The following GON4L variants were observed in gnomAD, a reference collection of about 807,000 sequenced individuals.
GON4L encodes GON-4-like protein.
Under a neutral mutation model 211.8 loss-of-function variants are expected in GON4L, and 87 were observed. The ratio of observed to expected loss-of-function variants is 0.41; its 90% CI spans 0.35 to 0.49. The LOEUF (loss-of-function observed/expected upper bound fraction) is 0.49. GON4L is among the 20% of genes least tolerant of loss of function. The pLI is 0.15. For missense variants in GON4L, 2,155 were observed against 2,659.5 expected, an observed-to-expected ratio of 0.81 and a Z score of 4.17; for synonymous variants, 875 against 962.6, an observed-to-expected ratio of 0.91 and a Z score of 1.68.
Position 155,788,612 on chromosome 1 carries a change from A to G in GON4L, c.1748-3238T>C, listed in dbSNP as rs2101937561. 2.0e-5 allele frequency among the ~76,000 whole-genome samples: 3 copies of G among 152,304 alleles called. No homozygotes were observed. In the Middle Eastern group the frequency reaches 0.01, roughly 518 times the overall value. On this transcript the variant is annotated intron_variant, in intron 12 of 31. Coordinates refer to ENST00000368331, the MANE Select transcript of GON4L (RefSeq NM_001282860.2). Reference sequence around the variant, plus strand: ...GCCCAGGTGATCAACACAAAAATAGATAATCTGTAGTATATATACACAACG... The same window carrying G: ...GCCCAGGTGATCAACACAAAAATAGGTAATCTGTAGTATATATACACAACG...
At chr1:155,794,223 T>G (rs1665873369) in intron 12 of GON4L, among the ~76,000 whole-genome samples, 1 of 152,066 alleles carries the variant, frequency 6.6e-6, no homozygotes, top group Non-Finnish European at 1.5e-5. Flanking sequence ...AGGTGCCTAC[T>G]ACCACGCCTG....
intron 10 of GON4L, among the ~76,000 whole-genome samples, chr1:155,807,718 A>AAAAAAG (rs1244197658): frequency 6.7e-6 from 1 of 150,230 alleles, no homozygotes; most frequent in African/African-American, 2.4e-5. Flanking sequence ...AAAAAAAAAA[A>AAAAAAG]AAAAAAAGAA....
At position 155,804,966 on chromosome 1, in the gene GON4L, T is replaced by C. The variant is rs920181636; in HGVS notation, c.1628A>G (p.Asp543Gly). ...WKMWLGGLMN[D>G]DVGNEDEADD... Reference sequence around the variant, plus strand: ...AAACTTACCTTCATTCCCCACATCATCATTCATAAGTCCCCCCAGCCACAT... The same window carrying C: ...AAACTTACCTTCATTCCCCACATCACCATTCATAAGTCCCCCCAGCCACAT... Residue 543 changes from aspartate (D) to glycine (G), a missense_variant, in exon 11 of 32, where the codon GAT becomes GGT. Physicochemically the swap from Asp to Gly is moderately conservative, Grantham distance 94. Transcript: ENST00000368331. 5.6e-6 allele frequency: 9 copies of C among 1,613,526 alleles called. No individual in the cohort carries two copies. Among genetic ancestry groups the C allele is most frequent in the Non-Finnish European group, 7.6e-6 (9 of 1,179,512 alleles).
chr1:155,797,919 G>A (rs913075046), intron 11 of GON4L, among the ~76,000 whole-genome samples: 3 of 149,824 alleles, frequency 2.0e-5, no homozygotes, highest in African/African-American at 4.9e-5. Context: ...CTCTACAAAT[G>A]ACTTTTTAAA....
chr1:155,828,676 C>T (rs1200914338), intron 2 of GON4L, among the ~76,000 whole-genome samples: 1 of 151,706 alleles, frequency 6.6e-6, no homozygotes, highest in Admixed American at 6.6e-5. Flanking sequence ...GGCATGGTGG[C>T]GGGCACCTGT....
rs1663984820 is a variant in GON4L, at chr1:155,777,825, T to C, written c.1893-5A>G. ...TTGGCCAGTGGTTCCTCAAACCTAT[T>C]CCCAACAGGGAGATGACTGAATTTG... is the stretch of plus-strand genomic sequence containing the variant. On this transcript the variant is annotated splice_region_variant and splice_polypyrimidine_tract_variant and intron_variant, in intron 14 of 31. Transcript: ENST00000368331. 1.9e-6 allele frequency: 3 copies of C among 1,587,426 alleles called. No individual in the cohort carries two copies. The highest frequency in any genetic ancestry group is 2.7e-5 in the African/African-American group (2 of 74,444).
downstream of GON4L, chr1:155,748,268 C>G (rs1346184324): frequency 1.6e-6 from 2 of 1,228,298 alleles, no homozygotes; most frequent in African/African-American, 3.0e-5. Context: ...ATCACACTGT[C>G]CTATGCTTGT....
intron 2 of GON4L, among the ~76,000 whole-genome samples, chr1:155,829,955 GT>G (rs1340667477): frequency 2.8e-4 from 40 of 144,408 alleles, no homozygotes; most frequent in Middle Eastern, 3.6e-3. Flanking sequence ...CAGTTTTTTT[GT>G]TTTTTTTTTT....
intron 3 of GON4L, among the ~76,000 whole-genome samples, chr1:155,826,522 C>T (rs556172753): frequency 1.1e-4 from 17 of 150,526 alleles, no homozygotes; most frequent in Middle Eastern, 6.9e-3. Flanking sequence ...GCCGAGATCA[C>T]GCCCCTGTAC....
chr1:155,745,238 AAGAC>A (rs1571592143), downstream of GON4L, among the ~76,000 whole-genome samples: 3 of 152,240 alleles, frequency 2.0e-5, no homozygotes, highest in East Asian at 3.9e-4. Flanking sequence ...TATTGAGCAA[AAGAC>A]AGACGCCAAT....
rs755268113 is a variant in GON4L, at chr1:155,765,580, C to T, written c.3893G>A (p.Gly1298Glu). 4.3e-6 allele frequency: 7 copies of T among 1,614,032 alleles called. No individual in the cohort carries two copies. Among genetic ancestry groups the T allele is most frequent in the East Asian group, 2.2e-5 (1 of 44,890 alleles). The change falls in exon 21 of 32, where the codon GGG becomes GAG. Residue 1298 changes from glycine to glutamate, a missense_variant. By Grantham distance (98) the Gly-to-Glu change is moderately conservative. Transcript: ENST00000368331. ...AGGGAGCGGCTCCAGAGCTTGCCTCCCCTCCTCTGTTTTCACAACGGTCCA... is the reference window on the plus strand; with the variant it reads ...AGGGAGCGGCTCCAGAGCTTGCCTCTCCTCCTCTGTTTTCACAACGGTCCA... ...CRWTVVKTEE[G>E]RQALEPLPQG...
At chr1:155,759,490 C>G (rs1249656598) in intron 24 of GON4L, among the ~76,000 whole-genome samples, 3 of 152,056 alleles carry the variant, frequency 2.0e-5, no homozygotes, top group African/African-American at 7.2e-5. Context: ...AGGAAAATCG[C>G]TTGAACCCAG....
At chr1:155,748,031 C>G, downstream of GON4L, 1 of 1,608,378 alleles carries the variant, frequency 6.2e-7, no homozygotes. Flanking sequence ...TCTCGTGCAC[C>G]TGACTGCTCA....
chr1:155,827,223 G>T (rs557388343), intron 2 of GON4L, among the ~76,000 whole-genome samples, 195 bp from the exon 3 acceptor site: 3 of 152,234 alleles, frequency 2.0e-5, no homozygotes, highest in Admixed American at 6.5e-5. Flanking sequence ...GTTAAACTAG[G>T]TAATTGCTGA....
rs567148940 is a variant in GON4L, at chr1:155,853,756, TTCTTC to T, written c.20_24del (p.Arg7AsnfsTer10). 296 of 1,613,742 alleles carry T rather than the reference TTCTTC, an allele frequency of 1.8e-4. 4 individuals carry two copies. In the South Asian group the frequency reaches 3.1e-3, roughly 17 times the overall value. ...TGCTGTAGGGACTCTGTCACTGTAG[TTCTTC>T]TCTTCTTACAGGGCAACATTTTAAA... On this transcript the variant is annotated frameshift_variant, in exon 2 of 32. Transcript: ENST00000368331. LOFTEE classifies it high-confidence loss of function.
At chr1:155,803,319 G>A (rs973359014) in intron 11 of GON4L, among the ~76,000 whole-genome samples, 1 of 149,988 alleles carries the variant, frequency 6.7e-6, no homozygotes, top group African/African-American at 2.5e-5. Context: ...ATCTCGGCTC[G>A]CTACAACCTT....
At position 155,765,053 on chromosome 1, in the gene GON4L, C is replaced by T; in HGVS notation, c.4420G>A (p.Asp1474Asn). 6.2e-7 allele frequency: 1 copy of T among 1,614,168 alleles called. No individual in the cohort carries two copies. The highest frequency in any genetic ancestry group is 8.5e-7 in the Non-Finnish European group (1 of 1,180,008). Reference sequence around the variant, plus strand: ...TCCTCAGAAGCTGATGACATTTCATCTTCCTCATCTTGGGTGAGGTCATCA... The same window carrying T: ...TCCTCAGAAGCTGATGACATTTCATTTTCCTCATCTTGGGTGAGGTCATCA... ...DFDDLTQDEE[D>N]EMSSASEESV... The change falls in exon 21 of 32, where the codon GAT becomes AAT. Residue 1474 changes from aspartate to asparagine, a missense_variant. Coordinates refer to ENST00000368331, the MANE Select transcript of GON4L (RefSeq NM_001282860.2).
chr1:155,822,052 G>C (rs1010825175), intron 4 of GON4L, among the ~76,000 whole-genome samples: 1 of 152,126 alleles, frequency 6.6e-6, no homozygotes, highest in African/African-American at 2.4e-5. Context: ...AAGGAAACAG[G>C]AACAGTTTAT....
chr1:155,848,969 G>A (rs1341672878), intron 2 of GON4L, among the ~76,000 whole-genome samples: 4 of 151,014 alleles, frequency 2.6e-5, no homozygotes, highest in Non-Finnish European at 5.9e-5. Context: ...CCAACCTGAT[G>A]AGATCCCATC....
Sources: gnomAD v4.1 joint callset for allele counts (sites outside exome capture counted in the v4.1 genomes callset) on GRCh38, gnomAD v4.1.1 for gene constraint, MANE v1.5 for transcripts, NCBI Gene and HGNC (gene_info 2026-07-23, HGNC 2026-07-21) for gene names.